VPS13A: variants seen among roughly 807,000 people sequenced by gnomAD.
VPS13A encodes the protein intermembrane lipid transfer protein VPS13A.
In VPS13A, 264 loss-of-function variants were observed where a neutral mutation model predicts 390.9. The ratio of observed to expected loss-of-function variants is 0.68; its 90% CI spans 0.61 to 0.75. VPS13A has a LOEUF of 0.75. Among genes scored for constraint, VPS13A ranks in the 30% least tolerant of loss-of-function variants. The probability of loss-of-function intolerance (pLI) is 0.00; values close to 1 mark genes in which losing one functional copy is unlikely to be tolerated. For synonymous variants in VPS13A, 1,231 were observed against 1,227.1 expected (o/e 1.00, Z -0.07); for missense variants, 3,409 against 3,733.9 (o/e 0.91, Z 2.27).
At position 77,259,067 on chromosome 9, in the gene VPS13A, TAGAA is replaced by T. The variant is rs151112584; in HGVS notation, c.2289-1015_2289-1012del. Among the ~76,000 whole-genome samples the T allele has an allele frequency of 8.2e-3, 1,245 of 152,252 alleles. 20 individuals are homozygous for T. The highest frequency in any genetic ancestry group is 0.029 in the African/African-American group (1,195 of 41,550). ...GGGCAGAAATGACAATGACTTAACT[TAGAA>T]AGATGAAATCTTAGAAGTTATTTGG... On this transcript the variant is annotated intron_variant, in intron 22 of 71. Coordinates refer to ENST00000360280, the MANE Select transcript of VPS13A (RefSeq NM_033305.3).
chr9:77,187,608 T>C (rs55932111), intron 1 of VPS13A, among the ~76,000 whole-genome samples: 8,353 of 148,868 alleles, frequency 0.056, 823 homozygotes, highest in Middle Eastern at 0.13. Context: ...CATACAAACA[T>C]ACACACACAC....
intron 23 of VPS13A, among the ~76,000 whole-genome samples, chr9:77,266,940 C>T (rs546698355): frequency 4.0e-5 from 6 of 151,866 alleles, no homozygotes; most frequent in South Asian, 2.1e-4. Flanking sequence ...TCCTTTCTTC[C>T]GCTTGATCGA....
intron 5 of VPS13A, among the ~76,000 whole-genome samples, 153 bp downstream of exon 5, chr9:77,206,232 A>T (rs1825631744): frequency 1.3e-5 from 2 of 151,738 alleles, no homozygotes; most frequent in South Asian, 4.1e-4. Flanking sequence ...TGTGGTTTGT[A>T]TGCTTTGTTA....
Position 77,416,234 on chromosome 9 carries a change from C to G in VPS13A, c.*228C>G. 2.1e-6 allele frequency: 1 copy of G among 469,212 alleles called. No homozygotes were observed. Among genetic ancestry groups the G allele is most frequent in the South Asian group, 2.4e-5 (1 of 41,020 alleles). The allele number at this position is 469,212 out of a possible 1,614,324, so 29.1% of individuals were successfully genotyped here. A position where few individuals can be genotyped will look rare whatever the true frequency, so the allele number is the denominator to read the frequency against. ...AATTCTTCAGCAATTACCCGGTTTT[C>G]TAAATTGAATCATGCATCTATTTAT... On this transcript the variant is annotated 3_prime_UTR_variant, in exon 72 of 72. Coordinates refer to ENST00000360280, the MANE Select transcript of VPS13A (RefSeq NM_033305.3).
chr9:77,351,923 G>A (rs979466880), intron 53 of VPS13A, among the ~76,000 whole-genome samples: 1 of 152,132 alleles, frequency 6.6e-6, no homozygotes, highest in African/African-American at 2.4e-5. Context: ...TAGTTTTAAG[G>A]ACTTTTTGTG....
intron 7 of VPS13A, chr9:77,211,657 C>A (rs1025941857): frequency 2.6e-5 from 4 of 152,182 alleles, no homozygotes; most frequent in Non-Finnish European, 5.9e-5. Context: ...CAAATACTCT[C>A]ATTAAGTTGA....
At chr9:77,203,514 C>T (rs956401380) in intron 3 of VPS13A, among the ~76,000 whole-genome samples, 2 of 152,278 alleles carry the variant, frequency 1.3e-5, no homozygotes, top group South Asian at 4.1e-4. Flanking sequence ...TCTTGAACTC[C>T]TGGACTCAAG....
At chr9:77,264,487 G>A (rs927160790) in intron 23 of VPS13A, among the ~76,000 whole-genome samples, 1 of 152,114 alleles carries the variant, frequency 6.6e-6, no homozygotes, top group Non-Finnish European at 1.5e-5. Context: ...GTGTTTTGTA[G>A]TTCTCCTTGA....
chr9:77,305,051 G>C (rs1828645545), intron 34 of VPS13A, among the ~76,000 whole-genome samples: 1 of 151,314 alleles, frequency 6.6e-6, no homozygotes, highest in Non-Finnish European at 1.5e-5. Flanking sequence ...CCATTCTCCT[G>C]CCTCAGCCTC....
intron 67 of VPS13A, among the ~76,000 whole-genome samples, chr9:77,377,745 C>G (rs1833186652): frequency 6.6e-6 from 1 of 152,054 alleles, no homozygotes; most frequent in Non-Finnish European, 1.5e-5. Context: ...GCTAGAACCT[C>G]TAGTACAATG....
intron 68 of VPS13A, among the ~76,000 whole-genome samples, chr9:77,392,741 ATAAC>A (rs1306692938): frequency 1.3e-5 from 2 of 149,310 alleles, no homozygotes; most frequent in Admixed American, 1.3e-4. Context: ...AAAACTATAT[ATAAC>A]TATATAAAAC....
At chr9:77,238,230 T>C (rs776208924) in intron 18 of VPS13A, 39 bp downstream of exon 18, 1 of 1,608,858 alleles carries the variant, frequency 6.2e-7, no homozygotes, top group South Asian at 1.1e-5. Flanking sequence ...TAATATAATT[T>C]AGTTTGCTTT....
chr9:77,404,173 A>G (rs1432221434), intron 69 of VPS13A, among the ~76,000 whole-genome samples: 4 of 152,150 alleles, frequency 2.6e-5, no homozygotes, highest in Non-Finnish European at 5.9e-5. Context: ...CACCCCAGAT[A>G]CTGGTCCCTC....
chr9:77,342,063 G>A (rs1419149102), intron 50 of VPS13A, among the ~76,000 whole-genome samples: 1 of 152,202 alleles, frequency 6.6e-6, no homozygotes, highest in African/African-American at 2.4e-5. Context: ...TTTTATGTAA[G>A]GTAGTTAGGA....
intron 46 of VPS13A, among the ~76,000 whole-genome samples, chr9:77,333,715 C>G (rs1292284724): frequency 6.6e-6 from 1 of 152,010 alleles, no homozygotes; most frequent in Non-Finnish European, 1.5e-5. Context: ...TTTAAATTAA[C>G]AAATGGCTAT....
chr9:77,256,845 T>C (rs1183967064), intron 22 of VPS13A, among the ~76,000 whole-genome samples: 1 of 152,152 alleles, frequency 6.6e-6, no homozygotes, highest in Admixed American at 6.5e-5. Flanking sequence ...GCATGGAATG[T>C]CTTTCTTCAT....
At chr9:77,264,319 G>T (rs1825918117) in intron 23 of VPS13A, among the ~76,000 whole-genome samples, 1 of 151,898 alleles carries the variant, frequency 6.6e-6, no homozygotes, top group Admixed American at 6.6e-5. Flanking sequence ...TAGTTTTTTT[G>T]AATTCTGTGA....
At chr9:77,361,988 A>C (rs1199705052) in intron 59 of VPS13A, among the ~76,000 whole-genome samples, 1 of 152,150 alleles carries the variant, frequency 6.6e-6, no homozygotes, top group Non-Finnish European at 1.5e-5. Flanking sequence ...ATGTCCATTC[A>C]GATCCTTTGC....
At chr9:77,198,688 G>T (rs1281547149) in intron 1 of VPS13A, among the ~76,000 whole-genome samples, 2 of 151,842 alleles carry the variant, frequency 1.3e-5, no homozygotes, top group African/African-American at 4.8e-5. Context: ...TTTTGAGATG[G>T]AGTCTCACTC....
Sources: gnomAD v4.1 joint callset for allele counts (sites outside exome capture counted in the v4.1 genomes callset) on GRCh38, gnomAD v4.1.1 for gene constraint, MANE v1.5 for transcripts, NCBI Gene and HGNC (gene_info 2026-07-23, HGNC 2026-07-21) for gene names.